Variants in SRRM4 observed in about 807,000 individuals in gnomAD.
SRRM4 encodes serine/arginine repetitive matrix protein 4.
In SRRM4, 33 loss-of-function variants were observed where a neutral mutation model predicts 68.9. The ratio of observed to expected loss-of-function variants is 0.48; its 90% confidence interval spans 0.36 to 0.64. The LOEUF (loss-of-function observed/expected upper bound fraction) is 0.64. Among genes scored for constraint, SRRM4 ranks in the 30% least tolerant of loss-of-function variants. The pLI is 0.00. For missense variants in SRRM4, 817 were observed against 827.1 expected (o/e 0.99, Z 0.15); for synonymous variants, 318 against 318.8 (o/e 1.00, Z 0.03).
At chr12:119,077,624 T>G (rs1392160123) in intron 1 of SRRM4, among the ~76,000 whole-genome samples, 3 of 152,150 alleles carry the variant, frequency 2.0e-5, no homozygotes, top group African/African-American at 7.2e-5. Flanking sequence ...TTATTTTCCT[T>G]TCTGACTTCT....
chr12:119,029,834 G>A (rs1953575862), intron 1 of SRRM4, among the ~76,000 whole-genome samples: 1 of 152,160 alleles, frequency 6.6e-6, no homozygotes, highest in Non-Finnish European at 1.5e-5. Flanking sequence ...ATGCAGACAT[G>A]GCAGGGTCAG....
intron 1 of SRRM4, among the ~76,000 whole-genome samples, chr12:119,089,589 G>A (rs1350316617): frequency 6.6e-6 from 1 of 152,156 alleles, no homozygotes; most frequent in Non-Finnish European, 1.5e-5. Flanking sequence ...TGGAGCCTAC[G>A]GAATAAGCCT....
Position 119,004,046 on chromosome 12 carries a change from G to T in SRRM4, c.131+22033G>T, listed in dbSNP as rs148787545. Among the ~76,000 whole-genome samples the T allele has an allele frequency of 4.7e-3, 720 of 151,938 alleles. 4 individuals are homozygous for T. The highest frequency in any genetic ancestry group is 7.7e-3 in the Non-Finnish European group (522 of 67,962). On this transcript the variant is annotated intron_variant, in intron 1 of 12. Transcript: ENST00000267260. ...TCTAGTCTGGATTTTGGATGTTTGT[G>T]GTTTTTCTCAGCTTCTAAAAATGAG...
rs763927673 is a variant in SRRM4, at chr12:119,156,563, C to T, written c.1601C>T (p.Ser534Phe). 1 of 1,611,660 alleles carries T rather than the reference C, an allele frequency of 6.2e-7. No individual in the cohort carries two copies. Among genetic ancestry groups the T allele is most frequent in the South Asian group, 1.1e-5 (1 of 90,940 alleles). ...TCATCCGGCAGCCTCAGCAGCACCT[C>T]CTCCTGGTACAGCAGCAGCAGTAGC... ...PSSSGSLSST[S>F]SWYSSSSSRS... is the part of the protein sequence containing the mutation. Residue 534 changes from serine to phenylalanine, a missense_variant, in exon 13 of 13, where the codon TCC (serine) becomes TTC (phenylalanine). Ser to Phe is a radical substitution (Grantham distance 155). Transcript: ENST00000267260.
chr12:119,024,140 G>A (rs189200047), intron 1 of SRRM4, among the ~76,000 whole-genome samples: 235 of 152,208 alleles, frequency 1.5e-3, no homozygotes, highest in African/African-American at 5.6e-3. Context: ...AGCTATATAT[G>A]CAGTGTCTAA....
intron 12 of SRRM4, among the ~76,000 whole-genome samples, chr12:119,156,041 T>G (rs1954469088): frequency 6.6e-6 from 1 of 152,236 alleles, no homozygotes; most frequent in Non-Finnish European, 1.5e-5. Context: ...TGTCTGTTTA[T>G]CAACTGTACT....
chr12:118,994,099 G>A (rs557012124), intron 1 of SRRM4: 1 of 152,106 alleles, frequency 6.6e-6, no homozygotes, highest in African/African-American at 2.4e-5. Context: ...TCAGTAGTGG[G>A]ATCGCGCCTG....
chr12:119,119,883 GAC>G (rs1448722343), intron 4 of SRRM4, among the ~76,000 whole-genome samples: 4 of 152,022 alleles, frequency 2.6e-5, no homozygotes, highest in African/African-American at 9.7e-5. Context: ...CAGATTTACT[GAC>G]AGTTTTGGGG....
chr12:119,151,770 C>T (rs1480408237), intron 10 of SRRM4, among the ~76,000 whole-genome samples: 1 of 152,156 alleles, frequency 6.6e-6, no homozygotes, highest in Non-Finnish European at 1.5e-5. Context: ...GTCTCTCCTC[C>T]TCCAGCAGGC....
At chr12:119,013,874 A>T (rs1220393973) in intron 1 of SRRM4, among the ~76,000 whole-genome samples, 2 of 152,154 alleles carry the variant, frequency 1.3e-5, no homozygotes, top group Non-Finnish European at 2.9e-5. Context: ...ATTGTTAGAA[A>T]TTTCCAGAAA....
intron 1 of SRRM4, among the ~76,000 whole-genome samples, chr12:118,998,776 C>A (rs1017337477): frequency 2.6e-5 from 4 of 152,168 alleles, no homozygotes; most frequent in African/African-American, 7.2e-5. Context: ...ATCCCAGAAC[C>A]TGTTAATTGG....
At chr12:119,102,187 T>C (rs982619704) in intron 1 of SRRM4, 49 bp from the exon 2 acceptor site, 26 of 1,520,168 alleles carry the variant, frequency 1.7e-5, no homozygotes, top group Non-Finnish European at 2.3e-5. Flanking sequence ...GAACATTAAG[T>C]GTCTCTGTAT....
intron 1 of SRRM4, among the ~76,000 whole-genome samples, chr12:118,988,742 C>T (rs551187515): frequency 9.2e-5 from 14 of 152,136 alleles, no homozygotes; most frequent in South Asian, 6.2e-4. Context: ...TCCCTGTTCC[C>T]GTGGAGGAGA....
Position 119,086,386 on chromosome 12 carries a change from T to TC in SRRM4, c.132-15847dup, listed in dbSNP as rs1838472002. On this transcript the variant is annotated intron_variant, in intron 1 of 12. Coordinates refer to ENST00000267260, the MANE Select transcript of SRRM4 (RefSeq NM_194286.4). ...TCCCAACCCTTGTCTCAGCCACAGG[T>TC]CCCACCACCAGGGGCTGAGAAATAT... is the stretch of plus-strand genomic sequence containing the variant. Among the ~76,000 whole-genome samples the TC allele has an allele frequency of 2.0e-5, 3 of 152,260 alleles. No homozygotes were observed. The South Asian group carries it at 6.2e-4, about 32-fold the overall frequency.
chr12:119,044,784 T>C (rs1189975362), intron 1 of SRRM4, among the ~76,000 whole-genome samples: 1 of 152,210 alleles, frequency 6.6e-6, no homozygotes. Flanking sequence ...TTTTTACTAT[T>C]AATAAAAGAA....
intron 1 of SRRM4, among the ~76,000 whole-genome samples, chr12:119,091,577 C>T (rs1320928884): frequency 6.6e-6 from 1 of 152,184 alleles, no homozygotes; most frequent in Non-Finnish European, 1.5e-5. Context: ...CACCATGTGC[C>T]AGATACTAAG....
At chr12:119,003,546 C>T (rs1286424023) in intron 1 of SRRM4, among the ~76,000 whole-genome samples, 3 of 151,924 alleles carry the variant, frequency 2.0e-5, no homozygotes, top group South Asian at 2.1e-4. Context: ...GTAGAGGTTC[C>T]GAGGGGAGGT....
chr12:118,990,475 C>T (rs548765581), intron 1 of SRRM4, among the ~76,000 whole-genome samples: 50 of 152,294 alleles, frequency 3.3e-4, no homozygotes, highest in African/African-American at 1.1e-3. Context: ...CATGATCACA[C>T]GGTGTGTAAG....
Position 119,154,076 on chromosome 12 carries a change from C to G in SRRM4, c.1392-167C>G, listed in dbSNP as rs759581627. Among the ~76,000 whole-genome samples, 5 of 152,092 alleles carry G rather than the reference C, an allele frequency of 3.3e-5. No individual in the cohort carries two copies. The highest frequency in any genetic ancestry group is 7.3e-5 in the Non-Finnish European group (5 of 68,030). ...ACGGTACTAACAACCCTCGCAGACT[C>G]TTACCGCAGCCCCGTCATCCTCCCT... On this transcript the variant is annotated intron_variant, in intron 11 of 12. Transcript: ENST00000267260. This position sits in a 1 kb window ranked among gnomAD's most constrained non-coding sequence, Gnocchi z 4.7.
Sources: gnomAD v4.1 joint callset for allele counts (sites outside exome capture counted in the v4.1 genomes callset) on GRCh38, gnomAD v4.1.1 for gene constraint, Gnocchi (gnomAD v3.1) non-coding constraint, MANE v1.5 for transcripts, NCBI Gene and HGNC (gene_info 2026-07-23, HGNC 2026-07-21) for gene names.